PAN2: variants seen among roughly 807,000 people sequenced by gnomAD.
PAN2 encodes the protein poly(A) specific ribonuclease subunit PAN2, also known as PAN2-PAN3 deadenylation complex catalytic subunit PAN2.
A neutral mutation model predicts 133.3 loss-of-function variants in PAN2; 68 were observed. The ratio of observed to expected loss-of-function variants is 0.51; its 90% confidence interval spans 0.42 to 0.62. The LOEUF (loss-of-function observed/expected upper bound fraction) is 0.62. Ranked by LOEUF, PAN2 falls within the 20% of genes least tolerant of loss-of-function variation. The probability of loss-of-function intolerance (pLI) is 0.00; values close to 1 mark genes in which losing one functional copy is unlikely to be tolerated. For synonymous variants in PAN2, 462 were observed against 544.6 expected, an observed-to-expected ratio of 0.85 and a Z score of 2.11; for missense variants, 1,042 against 1,500.5, an observed-to-expected ratio of 0.69 and a Z score of 5.05.
intron 8 of PAN2, among the ~76,000 whole-genome samples, chr12:56,325,736 C>T (rs1306476886): frequency 1.3e-5 from 2 of 152,202 alleles, no homozygotes; most frequent in African/African-American, 4.8e-5. Context: ...ATTACTTCCT[C>T]TATTATAGAC....
chr12:56,333,126 C>G lies in PAN2; in HGVS notation c.-32G>C, dbSNP rs764910608. On this transcript the variant is annotated 5_prime_UTR_variant, in exon 2 of 26. Transcript: ENST00000440411. ...GATGGCAGCTTACACCTGTGTCACA[C>G]CCTCCCTTACCACAGTCCCTTTAGA... 6 of 1,606,150 alleles carry G rather than the reference C, an allele frequency of 3.7e-6. No individual in the cohort carries two copies. The Admixed American group carries it at 6.7e-5, about 18-fold the overall frequency.
At chr12:56,328,127 AG>A in intron 4 of PAN2, 55 bp from the exon 5 acceptor site, 1 of 1,610,176 alleles carries the variant, frequency 6.2e-7, no homozygotes, top group Non-Finnish European at 8.5e-7. Context: ...CCACAGACCA[AG>A]GGAACAGAAA....
chr12:56,322,818 G>T, intron 17 of PAN2, 60 bp from the exon 18 acceptor site: 3 of 1,558,562 alleles, frequency 1.9e-6, no homozygotes, highest in Non-Finnish European at 2.6e-6. Flanking sequence ...GGAGGGGAAT[G>T]GGGACAGAGG....
At position 56,322,180 on chromosome 12, in the gene PAN2, A is replaced by C. The variant is rs769434023; in HGVS notation, c.2698-12T>G. ...TGCACAGCTTCATGCTATAGAAGAG[A>C]AAAAGCACTTATGGCTAATGTATAT... On this transcript the variant is annotated splice_polypyrimidine_tract_variant and intron_variant, in intron 19 of 25. Coordinates refer to ENST00000440411, the MANE Select transcript of PAN2 (RefSeq NM_014871.6). 1 of 1,533,238 alleles carries C rather than the reference A, an allele frequency of 6.5e-7. No homozygotes were observed. 95.0% of individuals were successfully genotyped at this position (1,533,238 alleles called of 1,614,324 possible). A position where few individuals can be genotyped will look rare whatever the true frequency, so the allele number is the denominator to read the frequency against.
At position 56,324,283 on chromosome 12, in the gene PAN2, T is replaced by C. The variant is rs750412088; in HGVS notation, c.1928+11A>G. On this transcript the variant is annotated intron_variant, in intron 12 of 25. Transcript: ENST00000440411. The stretch of plus-strand genomic sequence containing the variant: ...ATGATGGCTTTAACTATTTCTATCC[T>C]GATTTCATACCTGCCTCCAGCACCT... 3 of 1,612,850 alleles carry C rather than the reference T, an allele frequency of 1.9e-6. No homozygotes were observed. Among genetic ancestry groups the C allele is most frequent in the Middle Eastern group, 1.6e-4 (1 of 6,082 alleles).
intron 2 of PAN2, among the ~76,000 whole-genome samples, chr12:56,330,398 C>G (rs1458786575): frequency 9.2e-6 from 1 of 109,158 alleles, no homozygotes; most frequent in Non-Finnish European, 1.7e-5. Context: ...CTCGCTCTGT[C>G]GCCCAGGCTG....
Position 56,326,831 on chromosome 12 carries a change from A to G in PAN2, c.1048T>C (p.Ser350Pro). 2 of 1,614,228 alleles carry G rather than the reference A, an allele frequency of 1.2e-6. No homozygotes were observed. Among genetic ancestry groups the G allele is most frequent in the Non-Finnish European group, 1.7e-6 (2 of 1,180,032 alleles). Reference sequence around the variant, plus strand: ...GTCCAGAGGTGCACACAGCCCTCAGAATCCCCAAAGGCCAGAGCCTGCTTG... The same window carrying G: ...GTCCAGAGGTGCACACAGCCCTCAGGATCCCCAAAGGCCAGAGCCTGCTTG... ...ASKQALAFGD[S>P]EGCVHLWTDS... Residue 350 changes from serine to proline, a missense_variant, in exon 7 of 26, where the codon TCT becomes CCT. Physicochemically the swap from Ser to Pro is moderately conservative, Grantham distance 74. This residue lies in a region of PAN2 where 908 missense variants were observed against 1,223.5 expected (regional missense o/e 0.74). Transcript: ENST00000440411.
chr12:56,318,256 C>T lies in PAN2; in HGVS notation c.3543G>A (p.Glu1181=). 6.2e-7 allele frequency: 1 copy of T among 1,614,122 alleles called. No individual in the cohort carries two copies. The highest frequency in any genetic ancestry group is 8.5e-7 in the Non-Finnish European group (1 of 1,179,974). The stretch of plus-strand genomic sequence containing the variant: ...TCTTACTCTTGGGACTTGTTTGGCC[C>T]TCAGGCTCAGGCACCTTCCAGTCCA... ...RKMDWKVPEP[E]GQTSPKNAAV... The change falls in exon 25 of 26, where the codon GAG becomes GAA. Residue 1181 remains glutamate, a synonymous_variant. Coordinates refer to ENST00000440411, the MANE Select transcript of PAN2 (RefSeq NM_014871.6).
rs1290069216 is a variant in PAN2 at position 56,322,361 on chromosome 12, TA to T, written c.2697+61del. The T allele has an allele frequency of 2.9e-6, 4 of 1,397,576 alleles. No individual in the cohort carries two copies. In the African/African-American group the frequency reaches 5.7e-5, roughly 20 times the overall value. The allele number at this position is 1,397,576 out of a possible 1,614,324, so 86.6% of individuals were successfully genotyped here. On this transcript the variant is annotated intron_variant, in intron 19 of 25. Transcript: ENST00000440411. ...ATCTGCCTGGCATTCTATAGAGCCC[TA>T]AAGATAAGGATGCTAGGAAAAGGGG...
At chr12:56,333,813 G>A (rs1876186097) in intron 1 of PAN2, 49 bp downstream of exon 1, 1 of 152,612 alleles carries the variant, frequency 6.6e-6, no homozygotes, top group Non-Finnish European at 1.5e-5. Flanking sequence ...GGGGGATAGG[G>A]CAAGGGTCAG....
Position 56,328,531 on chromosome 12 carries a change from A to T in PAN2, c.393T>A (p.Phe131Leu), listed in dbSNP as rs759817193. ...TATACTTGAGGTTGTTCTTGGTGAG[A>T]AAAAGGATACCATTCTCCAGGCTCT... ...QIQSLENGIL[F>L]LTKNNLKYMA... The change falls in exon 3 of 26, where the codon TTT becomes TTA. Residue 131 changes from phenylalanine to leucine, a missense_variant. Phe to Leu is a conservative substitution (Grantham distance 22). This residue lies in a region of PAN2 where 908 missense variants were observed against 1,223.5 expected (regional missense o/e 0.74). Transcript: ENST00000440411. 1.9e-6 allele frequency: 3 copies of T among 1,613,996 alleles called. No homozygotes were observed. The highest frequency in any genetic ancestry group is 2.5e-6 in the Non-Finnish European group (3 of 1,179,936).
chr12:56,323,157 A>T lies in PAN2; in HGVS notation c.2398T>A (p.Leu800Met). 1.2e-6 allele frequency: 2 copies of T among 1,613,924 alleles called. No homozygotes were observed. Among genetic ancestry groups the T allele is most frequent in the African/African-American group, 2.7e-5 (2 of 74,932 alleles). The change falls in exon 17 of 26, where the codon TTG (leucine) becomes ATG (methionine). Residue 800 changes from leucine (L) to methionine (M), a missense_variant. Leu to Met is a conservative substitution (Grantham distance 15). Transcript: ENST00000440411. ...GAGAAAGGAAGCCAGACGTTCTTCA[A>T]CTCCTCAATGGAGGGACACACCAGC... ...GVLVCPSIEE[L>M]KNVWLPFSIR...
At position 56,326,629 on chromosome 12, in the gene PAN2, G is replaced by A; in HGVS notation, c.1250C>T (p.Ala417Val). 1.2e-6 allele frequency: 2 copies of A among 1,612,460 alleles called. No individual in the cohort carries two copies. Among genetic ancestry groups the A allele is most frequent in the Middle Eastern group, 1.7e-4 (1 of 6,002 alleles). The part of the protein sequence containing the change: ...LLSDWPAANS[A>V]PAPRRAPPVD... ...GGTAGGGTACAACCTGGGAGCTGGA[G>A]CAGAGTTGGCAGCAGGCCAATCAGA... Residue 417 changes from alanine (A) to valine (V), a missense_variant, in exon 7 of 26, where the codon GCT (alanine) becomes GTT (valine). By Grantham distance (64) the Ala-to-Val change is moderately conservative. Transcript: ENST00000440411.
chr12:56,326,241 A>T (rs987953395), intron 8 of PAN2, 72 bp downstream of exon 8: 2 of 1,362,444 alleles, frequency 1.5e-6, no homozygotes, highest in African/African-American at 2.9e-5. Context: ...CAAAAGAAAG[A>T]CTAGTAAAGG....
At position 56,317,560 on chromosome 12, in the gene PAN2, G is replaced by T. The variant is rs1286061606; in HGVS notation, c.*49C>A. Reference sequence around the variant, plus strand: ...TTAGGAAGCCATCTCCCAGTTCTGGGGCTATAGAACAGTAAAGGGAGAGGG... The same window carrying T: ...TTAGGAAGCCATCTCCCAGTTCTGGTGCTATAGAACAGTAAAGGGAGAGGG... On this transcript the variant is annotated 3_prime_UTR_variant, in exon 26 of 26. Coordinates refer to ENST00000440411, the MANE Select transcript of PAN2 (RefSeq NM_014871.6). 1.2e-5 allele frequency: 19 copies of T among 1,557,116 alleles called. No individual in the cohort carries two copies. Among genetic ancestry groups the T allele is most frequent in the African/African-American group, 2.7e-5 (2 of 73,830 alleles).
At position 56,326,358 on chromosome 12, in the gene PAN2, G is replaced by A. The variant is rs1875128293; in HGVS notation, c.1314C>T (p.Gly438=). 1 of 1,605,142 alleles carries A rather than the reference G, an allele frequency of 6.2e-7. No individual in the cohort carries two copies. Among genetic ancestry groups the A allele is most frequent in the African/African-American group, 1.3e-5 (1 of 74,814 alleles). The change falls in exon 8 of 26, where the codon GGC becomes GGT. Residue 438 remains glycine, a synonymous_variant. Coordinates refer to ENST00000440411, the MANE Select transcript of PAN2 (RefSeq NM_014871.6). ...AEILRTMKKV[G]FIGYAPNPRT... is the part of the protein sequence containing the mutation. ...GGGGATTGGGCGCATAGCCAATGAAGCCCACCTTCTTCATGGTGCGCAGAA... is the reference window on the plus strand; with the variant it reads ...GGGGATTGGGCGCATAGCCAATGAAACCCACCTTCTTCATGGTGCGCAGAA...
In PAN2 at chr12:56,326,796, C is replaced by T. The variant is rs375389603; in HGVS notation, c.1083G>A (p.Pro361=). 3.3e-5 allele frequency: 54 copies of T among 1,614,070 alleles called. No homozygotes were observed. The highest frequency in any genetic ancestry group is 3.2e-4 in the African/African-American group (24 of 74,922). The change falls in exon 7 of 26, where the codon CCG becomes CCA. Residue 361 remains proline, a synonymous_variant. Transcript: ENST00000440411. ...GGGAGTAGGGGTTGAAGGAAGGCTC[C>T]GGGGAATCAGTCCAGAGGTGCACAC... ...EGCVHLWTDS[P]EPSFNPYSRE...
rs754399473 is a variant in PAN2, at chr12:56,323,429, T to C, written c.2272-45A>G. On this transcript the variant is annotated intron_variant, in intron 15 of 25. Coordinates refer to ENST00000440411, the MANE Select transcript of PAN2 (RefSeq NM_014871.6). ...ATCCAGTTCTTCAGGAATGTAATCA[T>C]ATATGGAGGTCAGAAGGGGGATAAA... The C allele has an allele frequency of 2.1e-5, 34 of 1,609,870 alleles. No individual in the cohort carries two copies. In the South Asian group the frequency reaches 3.6e-4, roughly 17 times the overall value.
At chr12:56,325,657 T>G (rs2135976620) in intron 8 of PAN2, among the ~76,000 whole-genome samples, 1 of 152,336 alleles carries the variant, frequency 6.6e-6, no homozygotes, top group South Asian at 2.1e-4. Context: ...TCCACACTGG[T>G]CTCCCTATGT....
Sources: allele counts gnomAD v4.1 joint callset (sites outside exome capture counted in the v4.1 genomes callset), GRCh38; gene constraint gnomAD v4.1.1; regional missense constraint gnomAD v4.1.1; transcripts MANE v1.5; gene names NCBI Gene and HGNC (gene_info 2026-07-23, HGNC 2026-07-21).